The following GPR160 variants were observed in gnomAD, a reference collection of about 807,000 sequenced individuals.
GPR160 encodes G protein-coupled receptor 160, also known as probable G protein-coupled receptor 160.
A neutral mutation model predicts 2.6 loss-of-function variants in GPR160; 2 were observed. The ratio of observed to expected loss-of-function variants is 0.77; its 90% CI spans 0.32 to 2.44. The LOEUF is 2.44. GPR160 is among the 30% of genes most tolerant of loss of function. GPR160 has a pLI of 0.11. For synonymous variants in GPR160, 130 were observed against 132.2 expected (o/e 0.98, Z 0.12); for missense variants, 351 against 383.6 (o/e 0.91, Z 0.71).
Position 170,076,891 on chromosome 3 carries a change from T to C in GPR160, c.-192-2883T>C, listed in dbSNP as rs1712879919. 1.3e-5 allele frequency among the ~76,000 whole-genome samples: 2 copies of C among 152,184 alleles called. 1 individual carries two copies. The highest frequency in any genetic ancestry group is 4.1e-4 in the South Asian group (2 of 4,832). Reference sequence around the variant, plus strand: ...ACATACATTGGGTCCTTTTCTACATTTCCAGTGAGTTAAGCCATAATTGTG... The same window carrying C: ...ACATACATTGGGTCCTTTTCTACATCTCCAGTGAGTTAAGCCATAATTGTG... On this transcript the variant is annotated intron_variant, in intron 2 of 3. Transcript: ENST00000355897.
chr3:170,055,679 G>A (rs1711605726), intron 2 of GPR160, among the ~76,000 whole-genome samples: 1 of 151,888 alleles, frequency 6.6e-6, no homozygotes, highest in Non-Finnish European at 1.5e-5. Flanking sequence ...CTGTCCCCCA[G>A]GCTGGAGTGC....
intron 2 of GPR160, among the ~76,000 whole-genome samples, chr3:170,054,419 G>A (rs1185374071): frequency 6.6e-6 from 1 of 152,070 alleles, no homozygotes; most frequent in Non-Finnish European, 1.5e-5. Context: ...CCACCTTCTG[G>A]CAGAATAGAA....
intron 2 of GPR160, among the ~76,000 whole-genome samples, chr3:170,042,085 A>G (rs1038623929): frequency 1.3e-5 from 2 of 151,878 alleles, no homozygotes; most frequent in African/African-American, 4.8e-5. Flanking sequence ...AGTCAACAGT[A>G]TTCTCCTAGA....
intron 2 of GPR160, among the ~76,000 whole-genome samples, chr3:170,061,292 A>G (rs576691027): frequency 6.6e-6 from 1 of 151,646 alleles, no homozygotes; most frequent in East Asian, 1.9e-4. Context: ...AAAAAAAGAA[A>G]GATAAAAAAC....
chr3:170,062,936 A>G (rs1448482190), intron 2 of GPR160: 4 of 330,434 alleles, frequency 1.2e-5, no homozygotes, highest in Non-Finnish European at 2.3e-5. Flanking sequence ...CCGGAGCCTC[A>G]CGGAGATCAC....
At chr3:170,062,912 G>T in intron 2 of GPR160, 2 of 359,382 alleles carry the variant, frequency 5.6e-6, no homozygotes, top group South Asian at 3.0e-5. Context: ...GGGCGCCTTT[G>T]TGGTAGAAAA....
chr3:170,071,054 G>A (rs573742286), intron 2 of GPR160, among the ~76,000 whole-genome samples: 1 of 151,672 alleles, frequency 6.6e-6, no homozygotes, highest in Admixed American at 6.6e-5. Context: ...TAGTCTCTCT[G>A]GCCATAGGGA....
chr3:170,060,612 A>G (rs1711887926), intron 2 of GPR160, among the ~76,000 whole-genome samples: 1 of 151,786 alleles, frequency 6.6e-6, no homozygotes, highest in Admixed American at 6.6e-5. Flanking sequence ...CAGTATTTTA[A>G]AAAAAAATTA....
intron 2 of GPR160, among the ~76,000 whole-genome samples, chr3:170,045,720 T>C (rs1056487179): frequency 2.0e-5 from 3 of 152,214 alleles, no homozygotes; most frequent in Non-Finnish European, 4.4e-5. Flanking sequence ...GGTTTGTGGC[T>C]GTGTGCTCCC....
chr3:170,040,350 A>G (rs75177892), intron 2 of GPR160, among the ~76,000 whole-genome samples: 1,647 of 152,290 alleles, frequency 0.011, 34 homozygotes, highest in African/African-American at 0.038. Context: ...GTCTAGATGC[A>G]AGGTCTTCCG....
intron 2 of GPR160, chr3:170,058,090 A>G (rs888782236): frequency 2.6e-5 from 4 of 152,244 alleles, no homozygotes; most frequent in Admixed American, 2.0e-4. Flanking sequence ...AAAATTATGA[A>G]GTAGAAGCAA....
chr3:170,065,088 T>G lies in GPR160; in HGVS notation c.-192-14686T>G, dbSNP rs546295060. 8.1e-4 allele frequency among the ~76,000 whole-genome samples: 124 copies of G among 152,324 alleles called. 1 individual carries two copies. Among genetic ancestry groups the G allele is most frequent in the African/African-American group, 2.9e-3 (121 of 41,576 alleles). ...TACCTGTTTGTGGTTTAGCTTTGTA[T>G]TTAAACAAATGAGGAAATAAACTTG... On this transcript the variant is annotated intron_variant, in intron 2 of 3. Transcript: ENST00000355897.
intron 2 of GPR160, among the ~76,000 whole-genome samples, chr3:170,052,981 T>C (rs1717022579): frequency 6.6e-6 from 1 of 152,210 alleles, no homozygotes; most frequent in Admixed American, 6.5e-5. Context: ...CTTTCCTCCA[T>C]TGAATTGCAT....
At chr3:170,080,022 G>C (rs140268918) in intron 3 of GPR160, 125 bp downstream of exon 3, 5 of 152,210 alleles carry the variant, frequency 3.3e-5, no homozygotes, top group Admixed American at 3.3e-4. Flanking sequence ...GGGCCAGATC[G>C]TAAAGCAAGA....
At chr3:170,049,636 C>T (rs969439672) in intron 2 of GPR160, among the ~76,000 whole-genome samples, 2 of 152,140 alleles carry the variant, frequency 1.3e-5, no homozygotes, top group African/African-American at 2.4e-5. Flanking sequence ...ATTCGCATCA[C>T]GCCTCCAGGG....
Position 170,084,751 on chromosome 3 carries a change from TA to T in GPR160, c.781del (p.Ile261SerfsTer15). On this transcript the variant is annotated frameshift_variant, in exon 4 of 4. Transcript: ENST00000355897. LOFTEE classifies it high-confidence loss of function. ...STWLPFVLLQVIIVLLKVQIP... is the reference protein window; with the variant it reads ...STWLPFVLLQXIIVLLKVQIP... ...TGGTTACCATTTGTACTACTTCAGG[TA>T]ATCATTGTTTTACTTAAAGTTCAGA... 1 of 1,609,298 alleles carries T rather than the reference TA, an allele frequency of 6.2e-7. No individual in the cohort carries two copies.
intron 3 of GPR160, among the ~76,000 whole-genome samples, chr3:170,081,471 T>C (rs536296215): frequency 1.1e-3 from 160 of 152,340 alleles, no homozygotes; most frequent in African/African-American, 3.4e-3. Context: ...TATATACGTT[T>C]GTATAAGTAG....
intron 2 of GPR160, among the ~76,000 whole-genome samples, chr3:170,045,862 A>C (rs1286354034): frequency 6.6e-6 from 1 of 152,128 alleles, no homozygotes. Flanking sequence ...TGGTTCTTCC[A>C]CCACCTGTGT....
At position 170,083,922 on chromosome 3, in the gene GPR160, G is replaced by C; in HGVS notation, c.-51G>C. ...TTTTGCAGGGACAGAAAATGAAGCA[G>C]TGTTTTATCATGTGTATTTCAGCAG... On this transcript the variant is annotated 5_prime_UTR_variant, in exon 4 of 4. Coordinates refer to ENST00000355897, the MANE Select transcript of GPR160 (RefSeq NM_014373.3). 1.0e-6 allele frequency: 1 copy of C among 1,001,496 alleles called. No individual in the cohort carries two copies. The highest frequency in any genetic ancestry group is 1.4e-6 in the Non-Finnish European group (1 of 719,136). The allele number at this position is 1,001,496 out of a possible 1,614,324, so 62.0% of individuals were successfully genotyped here. A position where few individuals can be genotyped will look rare whatever the true frequency, so the allele number is the denominator to read the frequency against.
Sources: gnomAD v4.1 joint callset for allele counts (sites outside exome capture counted in the v4.1 genomes callset) on GRCh38, gnomAD v4.1.1 for gene constraint, MANE v1.5 for transcripts, NCBI Gene and HGNC (gene_info 2026-07-23, HGNC 2026-07-21) for gene names.